Variants in RIN3 observed in about 807,000 individuals in gnomAD.
RIN3 encodes the protein Ras and Rab interactor 3.
In RIN3, 54 loss-of-function variants were observed where a neutral mutation model predicts 76.3. The observed-to-expected ratio is 0.71, with a 90% CI of 0.57 to 0.89. The LOEUF (loss-of-function observed/expected upper bound fraction) is 0.89. RIN3 is among the 40% of genes least tolerant of loss of function. The probability of loss-of-function intolerance (pLI) is 0.00; values close to 1 mark genes in which losing one functional copy is unlikely to be tolerated. For synonymous variants in RIN3, 576 were observed against 564.0 expected (o/e 1.02, Z -0.30); for missense variants, 1,256 against 1,322.1 (o/e 0.95, Z 0.78).
intron 2 of RIN3, among the ~76,000 whole-genome samples, chr14:92,577,029 T>C (rs7154650): frequency 0.6 from 91,235 of 151,344 alleles, 28,169 homozygotes; most frequent in Non-Finnish European, 0.67. Context: ...ACTTACAGAA[T>C]CAGTGTCTCA....
intron 2 of RIN3, among the ~76,000 whole-genome samples, chr14:92,576,728 G>A (rs1279480427): frequency 6.6e-6 from 1 of 152,154 alleles, no homozygotes; most frequent in Non-Finnish European, 1.5e-5. Flanking sequence ...GTAAGATGGG[G>A]ATAATAATAA....
Position 92,515,091 on chromosome 14 carries a change from G to A in RIN3, c.44+1115G>A, listed in dbSNP as rs543689436. ...TGACTGGCTCTCACTCAGCTGGGAGGGACTGGGAGGGGGCCTTAAGCTCAT... is the reference window on the plus strand; with the variant it reads ...TGACTGGCTCTCACTCAGCTGGGAGAGACTGGGAGGGGGCCTTAAGCTCAT... On this transcript the variant is annotated intron_variant, in intron 1 of 9. Transcript: ENST00000216487. 1.6e-4 allele frequency: 95 copies of A among 589,756 alleles called. 2 individuals carry two copies. The South Asian group carries it at 1.8e-3, about 11-fold the overall frequency. The allele number at this position is 589,756 out of a possible 1,614,324, so 36.5% of individuals were successfully genotyped here.
At chr14:92,651,515 C>CCCCCCCCCCCA in intron 5 of RIN3, 67 bp from the exon 6 acceptor site, 1 of 1,178,706 alleles carries the variant, frequency 8.5e-7, no homozygotes, top group Non-Finnish European at 1.2e-6. Flanking sequence ...CCCACAGACC[C>CCCCCCCCCCCA]CGCCCAGCAC....
chr14:92,540,340 C>A (rs1897105385), intron 1 of RIN3, among the ~76,000 whole-genome samples: 1 of 152,176 alleles, frequency 6.6e-6, no homozygotes, highest in Non-Finnish European at 1.5e-5. Context: ...CACTCTATTC[C>A]CCACCTCCTA....
At chr14:92,622,703 G>C (rs371591409) in intron 4 of RIN3, among the ~76,000 whole-genome samples, 1 of 152,234 alleles carries the variant, frequency 6.6e-6, no homozygotes, top group Admixed American at 6.5e-5. Context: ...AAGGAGGCAA[G>C]GGTGGGCCTT....
At chr14:92,669,394 G>T (rs890880408) in intron 7 of RIN3, among the ~76,000 whole-genome samples, 1 of 152,198 alleles carries the variant, frequency 6.6e-6, no homozygotes, top group Admixed American at 6.5e-5. Flanking sequence ...CTGAGTTAAC[G>T]TGTGATATTG....
intron 1 of RIN3, among the ~76,000 whole-genome samples, chr14:92,532,996 A>G (rs1431148745): frequency 1.3e-5 from 2 of 152,232 alleles, no homozygotes; most frequent in African/African-American, 4.8e-5. Flanking sequence ...GGGCCGGCAA[A>G]CACTGCAACA....
At chr14:92,661,723 T>TCTCACACACA (rs1555392557) in intron 7 of RIN3, among the ~76,000 whole-genome samples, 6 of 134,878 alleles carry the variant, frequency 4.4e-5, no homozygotes, top group Non-Finnish European at 9.5e-5. Context: ...TGAGACTCTG[T>TCTCACACACA]CACACACACA....
At chr14:92,540,945 C>T (rs10467866) in intron 1 of RIN3, among the ~76,000 whole-genome samples, 107,632 of 152,166 alleles carry the variant, frequency 0.71, 38,554 homozygotes, top group Middle Eastern at 0.8. Flanking sequence ...ACATCACTAG[C>T]AGATTCCTGC....
At position 92,635,012 on chromosome 14, in the gene RIN3, A is replaced by G. The variant is rs554510280; in HGVS notation, c.441-6226A>G. Among the ~76,000 whole-genome samples the G allele has an allele frequency of 2.4e-4, 37 of 152,278 alleles. No homozygotes were observed. In the South Asian group the frequency reaches 7.2e-3, roughly 30 times the overall value. ...TAAATGGGTATGGTGGCCCCAGTGG[A>G]GTCCCTCACAAGTGTCTAGTTCCCT... is the stretch of plus-strand genomic sequence containing the variant. On this transcript the variant is annotated intron_variant, in intron 4 of 9. Coordinates refer to ENST00000216487, the MANE Select transcript of RIN3 (RefSeq NM_024832.5).
At chr14:92,651,376 G>A (rs1178369509) in intron 5 of RIN3, among the ~76,000 whole-genome samples, 1 of 152,114 alleles carries the variant, frequency 6.6e-6, no homozygotes, top group African/African-American at 2.4e-5. Flanking sequence ...GGGGAGGACT[G>A]AGTGGGGCTT....
intron 5 of RIN3, among the ~76,000 whole-genome samples, chr14:92,642,014 A>T (rs1260633710): frequency 3.3e-5 from 5 of 152,238 alleles, no homozygotes; most frequent in Non-Finnish European, 7.3e-5. Context: ...AAGCCCAAGC[A>T]TGCCAAGTCT....
intron 2 of RIN3, among the ~76,000 whole-genome samples, chr14:92,567,415 G>A (rs1897942881): frequency 6.6e-6 from 1 of 152,154 alleles, no homozygotes; most frequent in Non-Finnish European, 1.5e-5. Flanking sequence ...TCATGCAGCT[G>A]CAATCATCTA....
At chr14:92,590,843 C>CT (rs1884954153) in intron 3 of RIN3, among the ~76,000 whole-genome samples, 1 of 152,176 alleles carries the variant, frequency 6.6e-6, no homozygotes, top group Non-Finnish European at 1.5e-5. Context: ...ATTTAGAACT[C>CT]TCCCCCTCCC....
chr14:92,641,829 AAAG>A (rs1490294556), intron 5 of RIN3, among the ~76,000 whole-genome samples: 1 of 152,204 alleles, frequency 6.6e-6, no homozygotes, highest in Non-Finnish European at 1.5e-5. Flanking sequence ...GGGGAGAGGA[AAAG>A]AAGAAGGGGA....
intron 2 of RIN3, among the ~76,000 whole-genome samples, chr14:92,561,619 G>A (rs995867417): frequency 2.0e-5 from 3 of 151,944 alleles, no homozygotes; most frequent in Admixed American, 6.6e-5. Flanking sequence ...TGGTACATTC[G>A]CCACAATTAA....
rs1887476758 is a variant in RIN3 at position 92,652,268 on chromosome 14, G to A, written c.1219G>A (p.Glu407Lys). The A allele has an allele frequency of 6.2e-7, 1 of 1,611,414 alleles. No homozygotes were observed. The highest frequency in any genetic ancestry group is 8.5e-7 in the Non-Finnish European group (1 of 1,178,358). Residue 407 changes from glutamate (E) to lysine (K), a missense_variant, in exon 6 of 10, where the codon GAG (glutamate) becomes AAG (lysine). By Grantham distance (56) the Glu-to-Lys change is moderately conservative. Around this residue, in one of 3 missense-constraint regions of RIN3, gnomAD observed 610 missense variants for 626.4 expected, o/e 0.97. Transcript: ENST00000216487. The surrounding 1 kb of genome is among the most constrained non-coding windows in gnomAD (Gnocchi z 6.4). ...AGACCAAAGTCCGGGGATGGCGGCA[G>A]AGGGGGACCAGCTCAGCCTGCCTCC... The part of the protein sequence containing the change: ...LEDQSPGMAA[E>K]GDQLSLPPQG...
At chr14:92,687,573 C>T (rs559917873) in intron 9 of RIN3, 118 of 321,482 alleles carry the variant, frequency 3.7e-4, no homozygotes, top group Admixed American at 6.1e-4. Context: ...CAGCATTGCG[C>T]CTGGGGTGCA....
At chr14:92,561,586 AT>A (rs1897779953) in intron 2 of RIN3, among the ~76,000 whole-genome samples, 1 of 151,970 alleles carries the variant, frequency 6.6e-6, no homozygotes, top group Non-Finnish European at 1.5e-5. Context: ...AGTTTCCCCC[AT>A]TGTTAACATC....
Sources: allele counts gnomAD v4.1 joint callset (sites outside exome capture counted in the v4.1 genomes callset), GRCh38; gene constraint gnomAD v4.1.1; regional missense constraint gnomAD v4.1.1; non-coding constraint Gnocchi (gnomAD v3.1); transcripts MANE v1.5; gene names NCBI Gene and HGNC (gene_info 2026-07-23, HGNC 2026-07-21).